Variants in KLHL38 observed in about 807,000 individuals in gnomAD.
KLHL38 encodes kelch-like protein 38.
A neutral mutation model predicts 39.6 loss-of-function variants in KLHL38; 38 were observed. The ratio of observed to expected loss-of-function variants is 0.96; its 90% CI spans 0.74 to 1.26. KLHL38 has a LOEUF of 1.26. Ranked by LOEUF, KLHL38 falls within the 50% of genes most tolerant of loss-of-function variation. The pLI, the probability that KLHL38 is intolerant of heterozygous loss-of-function variation, is 0.00. For synonymous variants in KLHL38, 322 were observed against 302.2 expected (o/e 1.07, Z -0.68); for missense variants, 803 against 748.1 (o/e 1.07, Z -0.86).
intron 2 of KLHL38, among the ~76,000 whole-genome samples, chr8:123,647,725 G>A (rs566611159): frequency 6.6e-6 from 1 of 152,226 alleles, no homozygotes; most frequent in African/African-American, 2.4e-5. Context: ...AGGAACAAGA[G>A]CATTTATCTA....
At chr8:123,647,190 T>C (rs753346482) in intron 2 of KLHL38, among the ~76,000 whole-genome samples, 176 bp from the exon 3 acceptor site, 3 of 152,172 alleles carry the variant, frequency 2.0e-5, no homozygotes, top group Non-Finnish European at 4.4e-5. Flanking sequence ...CAGGAAGAAG[T>C]ATATGATTAA....
intron 2 of KLHL38, among the ~76,000 whole-genome samples, chr8:123,651,322 AC>A (rs1272690729): frequency 2.0e-5 from 3 of 152,216 alleles, no homozygotes; most frequent in African/African-American, 7.2e-5. Context: ...GCATGTGCAC[AC>A]GTATGCATGT....
chr8:123,645,755 G>A lies in KLHL38; in HGVS notation c.1730C>T (p.Thr577Met), dbSNP rs759658521. ...TTGTCGACCTCATGGGAGGCCAGAC[G>A]TGCGGGGTATGCACTGGAGAGTGAG... is the stretch of plus-strand genomic sequence containing the variant. Reference protein sequence around the residue: ...ACLTLQCIPRTSGLP With the variant: ...ACLTLQCIPRMSGLP The change falls in exon 4 of 4, where the codon ACG becomes ATG. Residue 577 changes from threonine (T) to methionine (M), a missense_variant. By Grantham distance (81) the Thr-to-Met change is moderately conservative. Coordinates refer to ENST00000684634, the MANE Select transcript of KLHL38 (RefSeq NM_001081675.3). The A allele has an allele frequency of 1.6e-5, 26 of 1,613,648 alleles. No individual in the cohort carries two copies. The highest frequency in any genetic ancestry group is 4.5e-5 in the East Asian group (2 of 44,866).
intron 2 of KLHL38, 116 bp from the exon 3 acceptor site, chr8:123,647,130 C>A: frequency 1.5e-6 from 1 of 661,342 alleles, no homozygotes; most frequent in Non-Finnish European, 2.7e-6. Flanking sequence ...CTGCTTTTTT[C>A]CAGTTTTAAA....
At position 123,651,581 on chromosome 8, in the gene KLHL38, A is replaced by G. The variant is rs776567951; in HGVS notation, c.1346T>C (p.Ile449Thr). The change falls in exon 2 of 4, where the codon ATC becomes ACC. Residue 449 changes from isoleucine to threonine, a missense_variant. Transcript: ENST00000684634. ...EDIMQNPVRL[I>T]QVYHISRNSW... ...TGGGAAGAACCGGCCATTTACCTGGATAAGGCGCACAGGGTTCTGCATGAT... is the reference window on the plus strand; with the variant it reads ...TGGGAAGAACCGGCCATTTACCTGGGTAAGGCGCACAGGGTTCTGCATGAT... 1.3e-6 allele frequency: 2 copies of G among 1,565,374 alleles called. No individual in the cohort carries two copies. The highest frequency in any genetic ancestry group is 1.7e-4 in the Middle Eastern group (1 of 5,820).
At position 123,646,955 on chromosome 8, in the gene KLHL38, C is replaced by A. The variant is rs1288944168; in HGVS notation, c.1410G>T (p.Val470=). 3.7e-6 allele frequency: 6 copies of A among 1,613,982 alleles called. No homozygotes were observed. Among genetic ancestry groups the A allele is most frequent in the Non-Finnish European group, 3.4e-6 (4 of 1,179,900 alleles). The change falls in exon 3 of 4, where the codon GTG becomes GTT. Residue 470 remains valine (V), a synonymous_variant. Coordinates refer to ENST00000684634, the MANE Select transcript of KLHL38 (RefSeq NM_001081675.3). ...FKMETRMIKN[V]CAPAVVLGER... ...CCCCAAGCACCACTGCAGGGGCACA[C>A]ACGTTCTTGATCATTCTTGTCTCCA...
At chr8:123,648,626 C>T (rs754775723) in intron 2 of KLHL38, among the ~76,000 whole-genome samples, 13 of 152,194 alleles carry the variant, frequency 8.5e-5, no homozygotes, top group Non-Finnish European at 1.9e-4. Context: ...AACATTTGCT[C>T]ACCATGCTCA....
chr8:123,652,457 TC>T lies in KLHL38; in HGVS notation c.469del (p.Glu157ArgfsTer4). 1 of 1,614,160 alleles carries T rather than the reference TC, an allele frequency of 6.2e-7. No individual in the cohort carries two copies. Among genetic ancestry groups the T allele is most frequent in the Non-Finnish European group, 8.5e-7 (1 of 1,180,030 alleles). ...SCETLKKKAR[E>X]VALTSFPEVA... The stretch of plus-strand genomic sequence containing the variant: ...CTCTGGGAAGGACGTCAGTGCCACC[TC>T]CCTGGCTTTCTTCTTGAGGGTCTCG... On this transcript the variant is annotated frameshift_variant, in exon 2 of 4. Coordinates refer to ENST00000684634, the MANE Select transcript of KLHL38 (RefSeq NM_001081675.3). LOFTEE classifies it high-confidence loss of function.
intron 2 of KLHL38, among the ~76,000 whole-genome samples, chr8:123,651,342 G>T (rs1812638879): frequency 1.3e-5 from 2 of 152,064 alleles, no homozygotes; most frequent in African/African-American, 4.8e-5. Flanking sequence ...GTTGGCATCT[G>T]CATATATGTG....
rs770558725 is a variant in KLHL38, at chr8:123,652,730, C to A, written c.197G>T (p.Ser66Ile). The A allele has an allele frequency of 1.6e-5, 26 of 1,614,098 alleles. No homozygotes were observed. The highest frequency in any genetic ancestry group is 3.3e-4 in the Middle Eastern group (2 of 6,082). Residue 66 changes from serine (S) to isoleucine (I), a missense_variant, in exon 2 of 4, where the codon AGC (serine) becomes ATC (isoleucine). Transcript: ENST00000684634. ...SPYFRAMFCS[S>I]FREKSEAKVQ... ...TTTGGCTTCACTCTTCTCCCGGAAG[C>A]TGCTGCAGAACATAGCCCTGAAGTA...
chr8:123,645,850 G>A lies in KLHL38; in HGVS notation c.1635C>T (p.Cys545=), dbSNP rs1818653411. The A allele has an allele frequency of 3.1e-6, 5 of 1,613,818 alleles. No homozygotes were observed. The highest frequency in any genetic ancestry group is 4.2e-6 in the Non-Finnish European group (5 of 1,180,008). Residue 545 remains cysteine, a synonymous_variant, in exon 4 of 4, where the codon TGC becomes TGT. Coordinates refer to ENST00000684634, the MANE Select transcript of KLHL38 (RefSeq NM_001081675.3). ...CNIEDSASFD[C]YDPETDTWTS... is the part of the protein sequence containing the mutation. Reference sequence around the variant, plus strand: ...TCCAGGTGTCCGTCTCGGGGTCGTAGCAATCGAAGGAGGCGGAGTCCTCAA... The same window carrying A: ...TCCAGGTGTCCGTCTCGGGGTCGTAACAATCGAAGGAGGCGGAGTCCTCAA...
intron 2 of KLHL38, among the ~76,000 whole-genome samples, chr8:123,647,382 A>G (rs963418182): frequency 5.9e-5 from 9 of 152,206 alleles, no homozygotes; most frequent in African/African-American, 1.9e-4. Flanking sequence ...TTTTATTTCT[A>G]GCTCCTGTTT....
rs200628201 is a variant in KLHL38 at position 123,652,885 on chromosome 8, G to A, written c.42C>T (p.His14=). 47 of 1,602,252 alleles carry A rather than the reference G, an allele frequency of 2.9e-5. No homozygotes were observed. Among genetic ancestry groups the A allele is most frequent in the Admixed American group, 2.8e-4 (17 of 59,972 alleles). ...GCCTCAACAAGTCAGAAGAGAAGTC[G>A]TGGTCTTTGAAGAGCAGCCCATCTA... The part of the protein sequence containing the change: ...ESLDGLLFKD[H]DFSSDLLRQL... Residue 14 remains histidine (H), a synonymous_variant, in exon 2 of 4, where the codon CAC becomes CAT. Transcript: ENST00000684634.
rs760453731 is a variant in KLHL38 at position 123,652,144 on chromosome 8, A to C, written c.783T>G (p.Ser261=). The C allele has an allele frequency of 6.2e-7, 1 of 1,614,202 alleles. No individual in the cohort carries two copies. The highest frequency in any genetic ancestry group is 2.2e-5 in the East Asian group (1 of 44,878). ...ILETAKRQMF[S]LCGTTVPDCK... ...AGTCTGGGACGGTGGTGCCACACAAAGAGAACATCTGTCTCTTGGCGGTCT... is the reference window on the plus strand; with the variant it reads ...AGTCTGGGACGGTGGTGCCACACAACGAGAACATCTGTCTCTTGGCGGTCT... Residue 261 remains serine (S), a synonymous_variant, in exon 2 of 4, where the codon TCT becomes TCG. Coordinates refer to ENST00000684634, the MANE Select transcript of KLHL38 (RefSeq NM_001081675.3).
chr8:123,650,656 C>T (rs1015818304), intron 2 of KLHL38, among the ~76,000 whole-genome samples: 1 of 152,138 alleles, frequency 6.6e-6, no homozygotes, highest in African/African-American at 2.4e-5. Flanking sequence ...AGCTGGAAAA[C>T]ACTTAATATT....
intron 1 of KLHL38, 74 bp from the exon 2 acceptor site, chr8:123,653,001 A>C (rs903531438): frequency 6.2e-6 from 9 of 1,442,310 alleles, no homozygotes; most frequent in Middle Eastern, 2.2e-4. Flanking sequence ...TGGAGGGTTC[A>C]GCTGTGGGGA....
At chr8:123,647,062 C>A in intron 2 of KLHL38, 48 bp from the exon 3 acceptor site, 1 of 1,098,798 alleles carries the variant, frequency 9.1e-7, no homozygotes, top group Admixed American at 1.9e-5. Flanking sequence ...GTGAAATATT[C>A]TTGAAAAAAG....
Position 123,652,501 on chromosome 8 carries a change from G to A in KLHL38, c.426C>T (p.Leu142=). The A allele has an allele frequency of 1.2e-6, 2 of 1,614,220 alleles. No individual in the cohort carries two copies. The highest frequency in any genetic ancestry group is 2.2e-5 in the South Asian group (2 of 91,084). The change falls in exon 2 of 4, where the codon CTC becomes CTT. Residue 142 remains leucine (L), a synonymous_variant. Coordinates refer to ENST00000684634, the MANE Select transcript of KLHL38 (RefSeq NM_001081675.3). Reference sequence around the variant, plus strand: ...GGGTCTCGCAGCTTAAGATTTCTGAGAGTCTGATCATACCCAGGCAGTTGC... The same window carrying A: ...GGGTCTCGCAGCTTAAGATTTCTGAAAGTCTGATCATACCCAGGCAGTTGC... ...APSNCLGMIR[L]SEILSCETLK... is the part of the protein sequence containing the mutation.
In KLHL38 at chr8:123,645,546, GA is replaced by G; in HGVS notation, c.*192del. On this transcript the variant is annotated 3_prime_UTR_variant, in exon 4 of 4. Coordinates refer to ENST00000684634, the MANE Select transcript of KLHL38 (RefSeq NM_001081675.3). ...CAGAGACAGATGGAGGTGGGGGAGA[GA>G]GATAAGGAGAGAGGCAGAGAAGGAG... 1.7e-6 allele frequency: 1 copy of G among 599,524 alleles called. No individual in the cohort carries two copies. The highest frequency in any genetic ancestry group is 3.0e-6 in the Non-Finnish European group (1 of 338,508). The allele number at this position is 599,524 out of a possible 1,614,324, so 37.1% of individuals were successfully genotyped here.
Sources: gnomAD v4.1 joint callset for allele counts (sites outside exome capture counted in the v4.1 genomes callset) on GRCh38, gnomAD v4.1.1 for gene constraint, MANE v1.5 for transcripts, NCBI Gene and HGNC (gene_info 2026-07-23, HGNC 2026-07-21) for gene names.